Variants in APLF observed in about 807,000 individuals in gnomAD.
The protein encoded by APLF is aprataxin and PNK-like factor.
A neutral mutation model predicts 55.6 loss-of-function variants in APLF; 61 were observed. The ratio of observed to expected loss-of-function variants is 1.10; its 90% CI spans 0.89 to 1.36. The LOEUF is 1.36. APLF is among the 40% of genes most tolerant of loss of function. The pLI is 0.00. For missense variants in APLF, 611 were observed against 602.5 expected, an observed-to-expected ratio of 1.01 and a Z score of -0.15; for synonymous variants, 207 against 214.8, an observed-to-expected ratio of 0.96 and a Z score of 0.32.
intron 6 of APLF, among the ~76,000 whole-genome samples, chr2:68,526,752 A>G (rs1670068659): frequency 6.6e-6 from 1 of 152,062 alleles, no homozygotes; most frequent in Non-Finnish European, 1.5e-5. Flanking sequence ...CAGTGGTGCG[A>G]TCTCGGCTCA....
chr2:68,498,803 G>A (rs918314505), intron 2 of APLF, among the ~76,000 whole-genome samples: 22 of 152,204 alleles, frequency 1.4e-4, no homozygotes, highest in South Asian at 4.1e-4. Flanking sequence ...ACTTGGGGTC[G>A]TGGATGATTG....
At chr2:68,566,022 T>C (rs751452573) in intron 8 of APLF, among the ~76,000 whole-genome samples, 3 of 152,074 alleles carry the variant, frequency 2.0e-5, no homozygotes, top group Admixed American at 6.6e-5. Context: ...AGATCATTCC[T>C]AGTACATATT....
chr2:68,473,520 G>T (rs550270400), intron 1 of APLF, among the ~76,000 whole-genome samples: 2 of 152,306 alleles, frequency 1.3e-5, no homozygotes, highest in South Asian at 4.1e-4. Flanking sequence ...TAGATACTAA[G>T]GAGCACAGTT....
Position 68,579,268 on chromosome 2 carries a change from A to G in APLF, c.*1246A>G. 2.4e-6 allele frequency: 2 copies of G among 841,028 alleles called. No homozygotes were observed. The highest frequency in any genetic ancestry group is 1.8e-5 in the African/African-American group (1 of 54,246). The allele number at this position is 841,028 out of a possible 1,614,324, so 52.1% of individuals were successfully genotyped here. A position where few individuals can be genotyped will look rare whatever the true frequency, so the allele number is the denominator to read the frequency against. ...ACAAGAATAAGATAAACATTTCTCT[A>G]GACTATAACCTATTATTCTGATTTT... On this transcript the variant is annotated 3_prime_UTR_variant, in exon 10 of 10. Coordinates refer to ENST00000303795, the MANE Select transcript of APLF (RefSeq NM_173545.3).
Position 68,579,459 on chromosome 2 carries a change from T to C in APLF, c.*1437T>C, listed in dbSNP as rs993644374. On this transcript the variant is annotated 3_prime_UTR_variant, in exon 10 of 10. Coordinates refer to ENST00000303795, the MANE Select transcript of APLF (RefSeq NM_173545.3). ...ACTCCTAGGTATATACCCAGAGGAA[T>C]TGAAAACATTTCCACATAAAAACTG... The C allele has an allele frequency of 7.6e-5, 68 of 889,034 alleles. No individual in the cohort carries two copies. Among genetic ancestry groups the C allele is most frequent in the Non-Finnish European group, 8.5e-5 (63 of 742,408 alleles). 55.1% of individuals were successfully genotyped at this position (889,034 alleles called of 1,614,324 possible).
intron 7 of APLF, among the ~76,000 whole-genome samples, chr2:68,543,179 C>G (rs1042376945): frequency 6.6e-6 from 1 of 152,066 alleles, no homozygotes; most frequent in African/African-American, 2.4e-5. Flanking sequence ...CCGGGGAGGA[C>G]AGGAGGAGCT....
intron 8 of APLF, among the ~76,000 whole-genome samples, chr2:68,551,844 A>C (rs561192444): frequency 7.9e-5 from 12 of 151,872 alleles, no homozygotes; most frequent in Non-Finnish European, 1.6e-4. Flanking sequence ...TTTTAATGAA[A>C]AGAACTATAG....
At chr2:68,510,525 CAA>C (rs1429197034) in intron 3 of APLF, among the ~76,000 whole-genome samples, 2 of 151,730 alleles carry the variant, frequency 1.3e-5, no homozygotes, top group Non-Finnish European at 2.9e-5. Flanking sequence ...AATATAATAA[CAA>C]GTGTTGGTGA....
chr2:68,516,843 C>G (rs1224723348), intron 5 of APLF, among the ~76,000 whole-genome samples: 1 of 136,154 alleles, frequency 7.3e-6, no homozygotes, highest in Non-Finnish European at 1.5e-5. Context: ...GGAGGCATCA[C>G]GTTTTATATA....
chr2:68,570,089 A>G (rs1381117050), intron 9 of APLF, among the ~76,000 whole-genome samples: 2 of 152,006 alleles, frequency 1.3e-5, no homozygotes, highest in African/African-American at 4.8e-5. Flanking sequence ...GGGTTCTTCT[A>G]TACATGTAAC....
intron 5 of APLF, among the ~76,000 whole-genome samples, chr2:68,516,125 A>G (rs973404767): frequency 2.6e-5 from 4 of 151,684 alleles, no homozygotes; most frequent in African/African-American, 9.7e-5. Flanking sequence ...CCTTAGGAAC[A>G]GGACAAATAA....
intron 1 of APLF, among the ~76,000 whole-genome samples, chr2:68,473,343 G>A (rs879545085): frequency 3.3e-5 from 5 of 152,126 alleles, no homozygotes; most frequent in Admixed American, 6.5e-5. Context: ...TTCATGGCTT[G>A]ATAGCTCATT....
At chr2:68,504,335 A>G (rs1370921155) in intron 3 of APLF, among the ~76,000 whole-genome samples, 3 of 152,052 alleles carry the variant, frequency 2.0e-5, no homozygotes, top group Admixed American at 1.3e-4. Flanking sequence ...AACTAAAATC[A>G]GACAAGATTT....
At chr2:68,476,433 A>G (rs1675777707) in intron 1 of APLF, among the ~76,000 whole-genome samples, 1 of 146,140 alleles carries the variant, frequency 6.8e-6, no homozygotes, top group Non-Finnish European at 1.5e-5. Flanking sequence ...CAATGAGCTG[A>G]GATTGTGCCA....
At chr2:68,563,295 A>G in intron 8 of APLF, 2 of 984,574 alleles carry the variant, frequency 2.0e-6, no homozygotes, top group Non-Finnish European at 2.4e-6. Context: ...TTAAAATATA[A>G]AATTTCACAT....
chr2:68,503,786 A>G (rs1341980936), intron 3 of APLF, among the ~76,000 whole-genome samples: 2 of 152,078 alleles, frequency 1.3e-5, no homozygotes, highest in Non-Finnish European at 2.9e-5. Flanking sequence ...CTGTGCTTCT[A>G]CTTTAGGAGG....
rs75798206 is a variant in APLF at position 68,472,520 on chromosome 2, A to G, written c.96+4693A>G. ...AGGAATTTGGGCAAGATAAAAAAAA[A>G]TAATAATCAGAGCTTAGTCCTCAAG... On this transcript the variant is annotated intron_variant, in intron 1 of 9. Transcript: ENST00000303795. Among the ~76,000 whole-genome samples, 985 of 152,236 alleles carry G rather than the reference A, an allele frequency of 6.5e-3. 5 individuals are homozygous for G. The highest frequency in any genetic ancestry group is 0.023 in the African/African-American group (937 of 41,516).
chr2:68,577,451 C>A (rs1194288095), intron 9 of APLF, among the ~76,000 whole-genome samples: 1 of 152,128 alleles, frequency 6.6e-6, no homozygotes, highest in Non-Finnish European at 1.5e-5. Flanking sequence ...TTTCCACTCA[C>A]ATTTCTTTGA....
intron 1 of APLF, among the ~76,000 whole-genome samples, chr2:68,469,519 T>G (rs541794498): frequency 4.6e-5 from 7 of 152,362 alleles, no homozygotes; most frequent in Non-Finnish European, 8.8e-5. Context: ...TTGCTTTTCC[T>G]TTTGAAATAA....
Sources: gnomAD v4.1 joint callset for allele counts (sites outside exome capture counted in the v4.1 genomes callset) on GRCh38, gnomAD v4.1.1 for gene constraint, MANE v1.5 for transcripts, NCBI Gene and HGNC (gene_info 2026-07-23, HGNC 2026-07-21) for gene names.